The following CLMP variants were observed in gnomAD, a reference collection of about 807,000 sequenced individuals.
CLMP encodes CXADR like cell adhesion molecule, also known as CXADR-like membrane protein.
In CLMP, 27 loss-of-function variants were observed where a neutral mutation model predicts 45.2. The observed-to-expected ratio is 0.60, with a 90% CI of 0.44 to 0.82. The LOEUF (loss-of-function observed/expected upper bound fraction) is 0.82. Among genes scored for constraint, CLMP ranks in the 40% least tolerant of loss-of-function variants. The pLI, the probability that CLMP is intolerant of heterozygous loss-of-function variation, is 0.00. For missense variants in CLMP, 403 were observed against 448.4 expected (o/e 0.90, Z 0.91); for synonymous variants, 167 against 171.4 (o/e 0.97, Z 0.20).
In CLMP at chr11:123,099,935, T is replaced by A. The variant is rs371731572; in HGVS notation, c.29-1983A>T. ...ATACATTTGTGAAAATGCTATTAGA[T>A]TTTTCCAAGTAAGAGATACTGCTCT... On this transcript the variant is annotated intron_variant, in intron 1 of 6. Transcript: ENST00000448775. Among the ~76,000 whole-genome samples the A allele has an allele frequency of 3.4e-3, 512 of 152,242 alleles. 3 individuals carry two copies. Among genetic ancestry groups the A allele is most frequent in the African/African-American group, 0.012 (487 of 41,542 alleles).
Position 123,069,880 on chromosome 11 carries a change from A to C in CLMP, c.*3594T>G, listed in dbSNP as rs979661201. ...CAGCTTCTCCTACAGTATCACTTTT[A>C]CTTGTTTATTTTTTAATTGCTGATA... On this transcript the variant is annotated 3_prime_UTR_variant, in exon 7 of 7. Coordinates refer to ENST00000448775, the MANE Select transcript of CLMP (RefSeq NM_024769.5). 1.3e-5 allele frequency: 2 copies of C among 152,138 alleles called. No homozygotes were observed. Among genetic ancestry groups the C allele is most frequent in the African/African-American group, 4.8e-5 (2 of 41,448 alleles). 9.4% of individuals were successfully genotyped at this position (152,138 alleles called of 1,614,324 possible).
At chr11:123,119,816 A>G (rs1353667523) in intron 1 of CLMP, among the ~76,000 whole-genome samples, 2 of 151,920 alleles carry the variant, frequency 1.3e-5, no homozygotes, top group Admixed American at 6.6e-5. Flanking sequence ...CCTCCCCAGT[A>G]GTTGGGATTA....
intron 1 of CLMP, among the ~76,000 whole-genome samples, chr11:123,106,969 G>A (rs753517641): frequency 3.3e-5 from 5 of 151,444 alleles, no homozygotes; most frequent in Non-Finnish European, 4.4e-5. Flanking sequence ...GCAGTGAGCC[G>A]GATTGAGCCA....
At chr11:123,106,729 T>C (rs1294374784) in intron 1 of CLMP, among the ~76,000 whole-genome samples, 1 of 152,060 alleles carries the variant, frequency 6.6e-6, no homozygotes, top group South Asian at 2.1e-4. Context: ...CTATTAATAA[T>C]TGTACTTGTG....
intron 1 of CLMP, among the ~76,000 whole-genome samples, chr11:123,100,382 G>GAA (rs534661450): frequency 8.1e-5 from 11 of 135,656 alleles, no homozygotes; most frequent in Non-Finnish European, 6.4e-5. Flanking sequence ...CTCCCTCTCA[G>GAA]AAAAAAAAAA....
intron 2 of CLMP, among the ~76,000 whole-genome samples, chr11:123,095,657 C>T (rs780779688): frequency 3.9e-5 from 6 of 152,162 alleles, no homozygotes; most frequent in Non-Finnish European, 8.8e-5. Flanking sequence ...TTGGGCTTGA[C>T]TCTGATTCCA....
At chr11:123,089,502 A>G (rs1230723883) in intron 2 of CLMP, among the ~76,000 whole-genome samples, 1 of 152,196 alleles carries the variant, frequency 6.6e-6, no homozygotes, top group African/African-American at 2.4e-5. Flanking sequence ...GCAGTGGCTC[A>G]TGCCTGTAAT....
At chr11:123,103,688 C>T (rs1235090831) in intron 1 of CLMP, among the ~76,000 whole-genome samples, 3 of 152,072 alleles carry the variant, frequency 2.0e-5, no homozygotes, top group Non-Finnish European at 4.4e-5. Flanking sequence ...CCTTCTCCTT[C>T]TGTCCCTTTT....
intron 1 of CLMP, among the ~76,000 whole-genome samples, chr11:123,177,826 A>C (rs967543096): frequency 6.6e-6 from 1 of 152,152 alleles, no homozygotes; most frequent in African/African-American, 2.4e-5. Flanking sequence ...ATTATATCCC[A>C]AAAAATCTTG....
intron 1 of CLMP, among the ~76,000 whole-genome samples, chr11:123,105,366 TCC>T (rs1565383477): frequency 1.3e-5 from 1 of 74,944 alleles, no homozygotes; most frequent in African/African-American, 5.2e-5. Flanking sequence ...CCTCCCTCCC[TCC>T]CTCCCTCCCT....
At chr11:123,150,519 GGAAGGAAGGAAA>G (rs1861315033) in intron 1 of CLMP, among the ~76,000 whole-genome samples, 1 of 122,836 alleles carries the variant, frequency 8.1e-6, no homozygotes, top group African/African-American at 3.2e-5. Context: ...AAGGAAGGAA[GGAAGGAAGGAAA>G]GAAACAAGCA....
intron 2 of CLMP, among the ~76,000 whole-genome samples, chr11:123,093,015 C>T (rs1442395293): frequency 1.3e-5 from 2 of 150,856 alleles, no homozygotes; most frequent in Non-Finnish European, 2.9e-5. Context: ...TCAAGCGATT[C>T]TCCTGCCTCA....
Position 123,109,567 on chromosome 11 carries a change from A to ACAGAGCTAGGTAG in CLMP, c.29-11628_29-11616dup, listed in dbSNP as rs562101874. 2.5e-4 allele frequency among the ~76,000 whole-genome samples: 38 copies of ACAGAGCTAGGTAG among 152,318 alleles called. 1 individual carries two copies. The East Asian group carries it at 6.4e-3, about 25-fold the overall frequency. ...GATCATGTTTGTAAATGTGGATGGC[A>ACAGAGCTAGGTAG]CAGAGCTAGGTAGCAGAGCTAATCT... is the stretch of plus-strand genomic sequence containing the variant. On this transcript the variant is annotated intron_variant, in intron 1 of 6. Coordinates refer to ENST00000448775, the MANE Select transcript of CLMP (RefSeq NM_024769.5).
intron 2 of CLMP, among the ~76,000 whole-genome samples, chr11:123,087,637 A>G (rs1275778981): frequency 6.6e-6 from 1 of 151,980 alleles, no homozygotes; most frequent in Non-Finnish European, 1.5e-5. Context: ...CCTGGCCAAT[A>G]TGGTGAAACC....
intron 1 of CLMP, among the ~76,000 whole-genome samples, chr11:123,178,291 C>G (rs770413242): frequency 1.3e-5 from 2 of 152,212 alleles, no homozygotes; most frequent in Non-Finnish European, 2.9e-5. Context: ...TCCTTTTGTG[C>G]TAAGTCATTC....
At chr11:123,169,423 G>A (rs992716863) in intron 1 of CLMP, among the ~76,000 whole-genome samples, 8 of 152,092 alleles carry the variant, frequency 5.3e-5, no homozygotes, top group South Asian at 2.1e-4. Context: ...CAGAATCACC[G>A]TGGGCTCCAG....
At chr11:123,121,816 G>A (rs1223872577) in intron 1 of CLMP, among the ~76,000 whole-genome samples, 1 of 152,120 alleles carries the variant, frequency 6.6e-6, no homozygotes, top group Non-Finnish European at 1.5e-5. Flanking sequence ...CCAAACATTT[G>A]TTGACATTTC....
At chr11:123,095,294 G>T (rs537461954) in intron 2 of CLMP, among the ~76,000 whole-genome samples, 1 of 130,462 alleles carries the variant, frequency 7.7e-6, no homozygotes, top group Non-Finnish European at 1.6e-5. Flanking sequence ...AAATTATCCA[G>T]TGAAACTTTT....
intron 1 of CLMP, among the ~76,000 whole-genome samples, chr11:123,141,965 C>G (rs1460253401): frequency 4.0e-5 from 6 of 149,348 alleles, no homozygotes; most frequent in Non-Finnish European, 7.4e-5. Context: ...TTAAATTGAG[C>G]TAACCAAAAT....
Sources: allele counts gnomAD v4.1 joint callset (sites outside exome capture counted in the v4.1 genomes callset), GRCh38; gene constraint gnomAD v4.1.1; transcripts MANE v1.5; gene names NCBI Gene and HGNC (gene_info 2026-07-23, HGNC 2026-07-21).